NKAIN2: variants seen among roughly 807,000 people sequenced by gnomAD.
NKAIN2 encodes the protein sodium/potassium-transporting ATPase subunit beta-1-interacting protein 2.
NKAIN2 carries 14 observed loss-of-function variants against 32.6 expected under a neutral mutation model. The observed-to-expected ratio is 0.43, with a 90% CI of 0.28 to 0.67. The LOEUF is 0.67. Ranked by LOEUF, NKAIN2 falls within the 30% of genes least tolerant of loss-of-function variation. The pLI, the probability that NKAIN2 is intolerant of heterozygous loss-of-function variation, is 0.17. For missense variants in NKAIN2, 198 were observed against 258.3 expected (o/e 0.77, Z 1.60); for synonymous variants, 80 against 87.2 (o/e 0.92, Z 0.46).
chr6:124,212,570 G>C (rs953445366), intron 1 of NKAIN2, among the ~76,000 whole-genome samples: 1 of 152,058 alleles, frequency 6.6e-6, no homozygotes, highest in Non-Finnish European at 1.5e-5. Context: ...GACAGGATCA[G>C]TAAGGAGATA....
At chr6:124,001,678 T>A (rs1444966193) in intron 1 of NKAIN2, among the ~76,000 whole-genome samples, 1 of 151,524 alleles carries the variant, frequency 6.6e-6, no homozygotes, top group African/African-American at 2.4e-5. Flanking sequence ...GACAGTTTTT[T>A]AAATAATTGT....
intron 1 of NKAIN2, among the ~76,000 whole-genome samples, chr6:123,859,367 T>G (rs938811906): frequency 6.6e-6 from 1 of 152,192 alleles, no homozygotes; most frequent in Non-Finnish European, 1.5e-5. Context: ...GTCATGGCAG[T>G]GATAACAGTC....
chr6:124,703,009 CAT>C (rs1276796265), intron 4 of NKAIN2, among the ~76,000 whole-genome samples: 2 of 152,106 alleles, frequency 1.3e-5, no homozygotes, highest in African/African-American at 4.8e-5. Context: ...ATCTTGAGCT[CAT>C]GTGCTGGATA....
At chr6:124,180,334 A>G (rs535765231) in intron 1 of NKAIN2, among the ~76,000 whole-genome samples, 138 of 152,292 alleles carry the variant, frequency 9.1e-4, no homozygotes, top group South Asian at 3.7e-3. Flanking sequence ...CATGTCTTAC[A>G]TGGCAGCAGA....
chr6:124,579,854 A>T (rs920556189), intron 3 of NKAIN2, among the ~76,000 whole-genome samples: 2 of 152,258 alleles, frequency 1.3e-5, no homozygotes, highest in Non-Finnish European at 2.9e-5. Flanking sequence ...TTAATAACAT[A>T]CAATGGCGCT....
In NKAIN2 at chr6:124,633,883, G is replaced by A. The variant is rs183968316; in HGVS notation, c.274-24303G>A. ...CTGCACAACCATGCATGTGCCTCAG[G>A]CTCTTGAGAGCCAGCTTTTTCAGCA... is the stretch of plus-strand genomic sequence containing the variant. On this transcript the variant is annotated intron_variant, in intron 3 of 6. Transcript: ENST00000368417. 3.2e-3 allele frequency among the ~76,000 whole-genome samples: 485 copies of A among 152,130 alleles called. 4 individuals are homozygous for A. Among genetic ancestry groups the A allele is most frequent in the African/African-American group, 0.011 (461 of 41,492 alleles).
intron 4 of NKAIN2, among the ~76,000 whole-genome samples, chr6:124,667,955 T>C (rs1772888371): frequency 6.6e-6 from 1 of 152,040 alleles, no homozygotes; most frequent in Non-Finnish European, 1.5e-5. Flanking sequence ...ACCCACACAT[T>C]CTTCTATATA....
chr6:123,880,531 G>A (rs1773402199), intron 1 of NKAIN2, among the ~76,000 whole-genome samples: 1 of 152,064 alleles, frequency 6.6e-6, no homozygotes, highest in Non-Finnish European at 1.5e-5. Context: ...GAGAATGGAT[G>A]GTCCACTAGC....
intron 3 of NKAIN2, among the ~76,000 whole-genome samples, chr6:124,565,867 C>T (rs1226186627): frequency 1.3e-5 from 2 of 152,122 alleles, no homozygotes; most frequent in Non-Finnish European, 2.9e-5. Flanking sequence ...ATGTTTTAGC[C>T]AATCTTGAAT....
chr6:123,944,049 T>A (rs1776952861), intron 1 of NKAIN2, among the ~76,000 whole-genome samples: 1 of 151,992 alleles, frequency 6.6e-6, no homozygotes, highest in African/African-American at 2.4e-5. Context: ...CTCTCTATAG[T>A]CCTAGGGAAT....
chr6:124,094,000 T>C (rs1784543679), intron 1 of NKAIN2, among the ~76,000 whole-genome samples: 1 of 152,188 alleles, frequency 6.6e-6, no homozygotes, highest in Admixed American at 6.6e-5. Context: ...ATTTGATATA[T>C]GCAACTGGAT....
chr6:124,159,561 A>T (rs899869731), intron 1 of NKAIN2, among the ~76,000 whole-genome samples: 2 of 152,202 alleles, frequency 1.3e-5, no homozygotes, highest in African/African-American at 4.8e-5. Context: ...TTTAACTTAC[A>T]CTAAACGTGA....
intron 4 of NKAIN2, among the ~76,000 whole-genome samples, chr6:124,706,790 A>G (rs1175938114): frequency 6.6e-6 from 1 of 152,168 alleles, no homozygotes; most frequent in Non-Finnish European, 1.5e-5. Flanking sequence ...CTAAAATAAA[A>G]TAAAACAGAC....
At chr6:124,121,009 C>G (rs536586383) in intron 1 of NKAIN2, among the ~76,000 whole-genome samples, 1 of 152,238 alleles carries the variant, frequency 6.6e-6, no homozygotes, top group African/African-American at 2.4e-5. Flanking sequence ...TAGTCCTAAA[C>G]TGTTCTATAT....
At chr6:124,455,008 C>G (rs1015289878) in intron 3 of NKAIN2, among the ~76,000 whole-genome samples, 4 of 151,950 alleles carry the variant, frequency 2.6e-5, no homozygotes, top group African/African-American at 9.7e-5. Context: ...TTTATCAGCC[C>G]ATCTACCTGA....
chr6:124,383,890 G>A (rs1772765108), intron 3 of NKAIN2, among the ~76,000 whole-genome samples: 1 of 152,090 alleles, frequency 6.6e-6, no homozygotes, highest in South Asian at 2.1e-4. Flanking sequence ...GGCTCTTCCT[G>A]AATGATCTTA....
rs567881764 is a variant in NKAIN2, at chr6:124,801,852, C to A, written c.535+10453C>A. Among the ~76,000 whole-genome samples, 4 of 152,294 alleles carry A rather than the reference C, an allele frequency of 2.6e-5. No homozygotes were observed. The South Asian group carries it at 8.3e-4, about 32-fold the overall frequency. ...AATTAGAGGACTATGTAGAACTTAA[C>A]AAAGACAGGCACGCCTTTTTTAAAA... On this transcript the variant is annotated intron_variant, in intron 5 of 6. Transcript: ENST00000368417.
chr6:124,698,220 G>T (rs1774596216), intron 4 of NKAIN2, among the ~76,000 whole-genome samples: 1 of 152,150 alleles, frequency 6.6e-6, no homozygotes, highest in Non-Finnish European at 1.5e-5. Flanking sequence ...CACTTCAGAG[G>T]GTTGTGCTAT....
intron 3 of NKAIN2, among the ~76,000 whole-genome samples, chr6:124,562,573 CA>C (rs1018323870): frequency 6.6e-6 from 1 of 152,022 alleles, no homozygotes; most frequent in African/African-American, 2.4e-5. Context: ...TATTGATTAC[CA>C]TATTAAAAAT....
Sources: gnomAD v4.1 joint callset for allele counts (sites outside exome capture counted in the v4.1 genomes callset) on GRCh38, gnomAD v4.1.1 for gene constraint, MANE v1.5 for transcripts, NCBI Gene and HGNC (gene_info 2026-07-23, HGNC 2026-07-21) for gene names.